NAA30: variants seen among roughly 807,000 people sequenced by gnomAD.
NAA30 encodes the protein N-alpha-acetyltransferase 30, NatC catalytic subunit.
A neutral mutation model predicts 31.4 loss-of-function variants in NAA30; 5 were observed. The observed-to-expected ratio is 0.16, with a 90% CI of 0.08 to 0.33. The LOEUF (loss-of-function observed/expected upper bound fraction) is 0.33. NAA30 is among the 10% of genes least tolerant of loss of function. The pLI, the probability that NAA30 is intolerant of heterozygous loss-of-function variation, is 1.00. For synonymous variants in NAA30, 222 were observed against 207.1 expected (o/e 1.07, Z -0.62); for missense variants, 428 against 490.8 (o/e 0.87, Z 1.21).
intron 3 of NAA30, among the ~76,000 whole-genome samples, chr14:57,399,142 C>T (rs1322334366): frequency 1.3e-5 from 2 of 152,228 alleles, no homozygotes; most frequent in Non-Finnish European, 2.9e-5. Flanking sequence ...GGATTACAGG[C>T]GTGAACCACT....
At chr14:57,394,476 G>A (rs1169992830) in intron 2 of NAA30, among the ~76,000 whole-genome samples, 1 of 151,872 alleles carries the variant, frequency 6.6e-6, no homozygotes, top group African/African-American at 2.4e-5. Flanking sequence ...AAATGTATAT[G>A]CAGAGCTTTT....
Position 57,413,649 on chromosome 14 carries a change from G to A in NAA30, c.*4133G>A, listed in dbSNP as rs190110109. ...TGGGACTACAGGTGCATGCCACCACGCCCAGCCAATTTCTTGTATTCTTAG... is the reference window on the plus strand; with the variant it reads ...TGGGACTACAGGTGCATGCCACCACACCCAGCCAATTTCTTGTATTCTTAG... On this transcript the variant is annotated 3_prime_UTR_variant, in exon 5 of 5. Transcript: ENST00000556492. 850 of 152,242 alleles carry A rather than the reference G, an allele frequency of 5.6e-3. No homozygotes were observed. Among genetic ancestry groups the A allele is most frequent in the African/African-American group, 7.4e-3 (308 of 41,514 alleles). 9.4% of individuals were successfully genotyped at this position (152,242 alleles called of 1,614,324 possible). A position where few individuals can be genotyped will look rare whatever the true frequency, so the allele number is the denominator to read the frequency against.
rs902514287 is a variant in NAA30 at position 57,409,782 on chromosome 14, A to C, written c.*266A>C. ...GCCAAGATTTATGTGTTCATTTGCA[A>C]AGTCTGCTGACAATGTTATTTACAC... On this transcript the variant is annotated 3_prime_UTR_variant, in exon 5 of 5. Coordinates refer to ENST00000556492, the MANE Select transcript of NAA30 (RefSeq NM_001011713.3). 8 of 304,724 alleles carry C rather than the reference A, an allele frequency of 2.6e-5. No individual in the cohort carries two copies. The highest frequency in any genetic ancestry group is 1.7e-4 in the African/African-American group (8 of 46,396). 18.9% of individuals were successfully genotyped at this position (304,724 alleles called of 1,614,324 possible).
intron 4 of NAA30, among the ~76,000 whole-genome samples, chr14:57,404,832 G>A (rs1244036977): frequency 6.6e-6 from 1 of 152,110 alleles, no homozygotes; most frequent in Non-Finnish European, 1.5e-5. Context: ...AGAACAGCAC[G>A]GGAACGACTT....
At position 57,409,794 on chromosome 14, in the gene NAA30, A is replaced by G; in HGVS notation, c.*278A>G. ...GTGTTCATTTGCAAAGTCTGCTGAC[A>G]ATGTTATTTACACAGTGATCATTTT... On this transcript the variant is annotated 3_prime_UTR_variant, in exon 5 of 5. Transcript: ENST00000556492. 1 of 281,086 alleles carries G rather than the reference A, an allele frequency of 3.6e-6. No individual in the cohort carries two copies. Among genetic ancestry groups the G allele is most frequent in the Non-Finnish European group, 6.6e-6 (1 of 152,194 alleles). 17.4% of individuals were successfully genotyped at this position (281,086 alleles called of 1,614,324 possible).
In NAA30 at chr14:57,411,600, C is replaced by T. The variant is rs2066522669; in HGVS notation, c.*2084C>T. ...AATGAAACCATCATACTGACCTTTT[C>T]CTCCAAAATTGCCAAATTGACTGAA... On this transcript the variant is annotated 3_prime_UTR_variant, in exon 5 of 5. Transcript: ENST00000556492. 6.6e-6 allele frequency: 1 copy of T among 152,110 alleles called. No individual in the cohort carries two copies. Among genetic ancestry groups the T allele is most frequent in the Non-Finnish European group, 1.5e-5 (1 of 67,996 alleles). 9.4% of individuals were successfully genotyped at this position (152,110 alleles called of 1,614,324 possible).
At position 57,391,841 on chromosome 14, in the gene NAA30, C is replaced by T; in HGVS notation, c.771+113C>T. ...ATATCTCCTGCTGCGTATCATAGTA[C>T]GTTATATGATGTCAAGTGCTGTACA... On this transcript the variant is annotated intron_variant, in intron 2 of 4. Coordinates refer to ENST00000556492, the MANE Select transcript of NAA30 (RefSeq NM_001011713.3). The surrounding 1 kb of genome is among the most constrained non-coding windows in gnomAD (Gnocchi z 4.1). The T allele has an allele frequency of 1.3e-6, 1 of 795,342 alleles. No homozygotes were observed. Among genetic ancestry groups the T allele is most frequent in the Non-Finnish European group, 2.0e-6 (1 of 489,866 alleles). The allele number at this position is 795,342 out of a possible 1,614,324, so 49.3% of individuals were successfully genotyped here.
chr14:57,392,975 C>G (rs888325666), intron 2 of NAA30, among the ~76,000 whole-genome samples: 21 of 152,220 alleles, frequency 1.4e-4, no homozygotes, highest in African/African-American at 4.3e-4. Context: ...TTTCAGTATT[C>G]TAAGCATTGT....
chr14:57,401,023 G>A (rs551216611), intron 4 of NAA30, among the ~76,000 whole-genome samples: 12 of 151,908 alleles, frequency 7.9e-5, no homozygotes, highest in African/African-American at 2.4e-4. Flanking sequence ...GGCATGAGCC[G>A]TTGCTCCTGG....
chr14:57,409,387 G>T lies in NAA30; in HGVS notation c.960G>T (p.Leu320Phe). The T allele has an allele frequency of 6.3e-7, 1 of 1,593,242 alleles. No individual in the cohort carries two copies. The change falls in exon 5 of 5, where the codon TTG (leucine) becomes TTT (phenylalanine). Residue 320 changes from leucine to phenylalanine, a missense_variant. Transcript: ENST00000556492. ...MVEGDCDEVV[L>F]ETEITNKSAL... ...TTCTCATTTCTTTGAAGGTTGTTTT[G>T]GAAACCGAAATAACAAATAAGTCCG...
Position 57,414,604 on chromosome 14 carries a change from T to C in NAA30, c.*5088T>C, listed in dbSNP as rs2066539389. On this transcript the variant is annotated 3_prime_UTR_variant, in exon 5 of 5. Coordinates refer to ENST00000556492, the MANE Select transcript of NAA30 (RefSeq NM_001011713.3). ...TGGAACATGGAGGTCTATCATGTTTTTAACCTCCAAGATCCACTTATGGGG... is the reference window on the plus strand; with the variant it reads ...TGGAACATGGAGGTCTATCATGTTTCTAACCTCCAAGATCCACTTATGGGG... 1 of 152,248 alleles carries C rather than the reference T, an allele frequency of 6.6e-6. No homozygotes were observed. Among genetic ancestry groups the C allele is most frequent in the African/African-American group, 2.4e-5 (1 of 41,466 alleles). 9.4% of individuals were successfully genotyped at this position (152,248 alleles called of 1,614,324 possible). A position where few individuals can be genotyped will look rare whatever the true frequency, so the allele number is the denominator to read the frequency against.
At chr14:57,393,847 CATT>C (rs567561098) in intron 2 of NAA30, among the ~76,000 whole-genome samples, 297 of 152,244 alleles carry the variant, frequency 2.0e-3, no homozygotes, top group African/African-American at 6.2e-3. Flanking sequence ...CCTGGCCTCT[CATT>C]ATGGTAACAA....
intron 4 of NAA30, among the ~76,000 whole-genome samples, chr14:57,404,271 G>A (rs986267831): frequency 2.6e-5 from 4 of 152,078 alleles, no homozygotes; most frequent in Non-Finnish European, 5.9e-5. Flanking sequence ...GCAGTGAGCC[G>A]AGATCGCGCC....
chr14:57,396,243 G>C (rs1263460438), intron 2 of NAA30, among the ~76,000 whole-genome samples: 1 of 152,130 alleles, frequency 6.6e-6, no homozygotes, highest in Non-Finnish European at 1.5e-5. Context: ...CCAAAGTGCT[G>C]GGTTTACAGG....
intron 2 of NAA30, among the ~76,000 whole-genome samples, chr14:57,394,589 A>G (rs2066443067): frequency 6.6e-6 from 1 of 152,118 alleles, no homozygotes; most frequent in South Asian, 2.1e-4. Flanking sequence ...CTTCACTACT[A>G]ATGTCATCGT....
chr14:57,393,526 C>G (rs2066438470), intron 2 of NAA30, among the ~76,000 whole-genome samples: 1 of 152,128 alleles, frequency 6.6e-6, no homozygotes, highest in Non-Finnish European at 1.5e-5. Flanking sequence ...ATTTAAGTTT[C>G]CCATAGGAAC....
rs1327167359 is a variant in NAA30 at position 57,412,734 on chromosome 14, T to G, written c.*3218T>G. The G allele has an allele frequency of 6.6e-6, 1 of 152,150 alleles. No individual in the cohort carries two copies. The highest frequency in any genetic ancestry group is 1.5e-5 in the Non-Finnish European group (1 of 68,016). 9.4% of individuals were successfully genotyped at this position (152,150 alleles called of 1,614,324 possible). A position where few individuals can be genotyped will look rare whatever the true frequency, so the allele number is the denominator to read the frequency against. ...CTAAATAAGATGCAGTCAAATAAAG[T>G]ATGGTTAAGTTGTGTTTGCATTTTT... On this transcript the variant is annotated 3_prime_UTR_variant, in exon 5 of 5. Coordinates refer to ENST00000556492, the MANE Select transcript of NAA30 (RefSeq NM_001011713.3).
At chr14:57,390,821 T>C (rs2066423123) in intron 1 of NAA30, 116 bp downstream of exon 1, 5 of 812,100 alleles carry the variant, frequency 6.2e-6, no homozygotes, top group Non-Finnish European at 7.0e-6. Flanking sequence ...TGGCGGGGAA[T>C]TGGGGGGCAG....
chr14:57,394,418 T>C (rs551613049), intron 2 of NAA30, among the ~76,000 whole-genome samples: 5 of 152,244 alleles, frequency 3.3e-5, no homozygotes, highest in African/African-American at 1.2e-4. Flanking sequence ...TTGCCGGGGA[T>C]TTTTCAGTTC....
Sources: gnomAD v4.1 joint callset for allele counts (sites outside exome capture counted in the v4.1 genomes callset) on GRCh38, gnomAD v4.1.1 for gene constraint, Gnocchi (gnomAD v3.1) non-coding constraint, MANE v1.5 for transcripts, NCBI Gene and HGNC (gene_info 2026-07-23, HGNC 2026-07-21) for gene names.